PPP1R12B: variants seen among roughly 807,000 people sequenced by gnomAD.
PPP1R12B encodes the protein protein phosphatase 1 regulatory subunit 12B, also known as myosin phosphatase target subunit 2.
A neutral mutation model predicts 126.1 loss-of-function variants in PPP1R12B; 76 were observed. The observed-to-expected ratio is 0.60, with a 90% confidence interval of 0.50 to 0.73. PPP1R12B has a LOEUF of 0.73. Among genes scored for constraint, PPP1R12B ranks in the 30% least tolerant of loss-of-function variants. The pLI, the probability that PPP1R12B is intolerant of heterozygous loss-of-function variation, is 0.00. For synonymous variants in PPP1R12B, 356 were observed against 434.7 expected (o/e 0.82, Z 2.25); for missense variants, 1,052 against 1,205.1 (o/e 0.87, Z 1.88).
chr1:202,490,123 T>G (rs1572251093), intron 14 of PPP1R12B, among the ~76,000 whole-genome samples: 1 of 152,048 alleles, frequency 6.6e-6, no homozygotes, highest in East Asian at 1.9e-4. Flanking sequence ...AATTTGTTAT[T>G]GAAAGAAGCA....
At chr1:202,476,016 A>G (rs1475015570) in intron 13 of PPP1R12B, among the ~76,000 whole-genome samples, 1 of 152,112 alleles carries the variant, frequency 6.6e-6, no homozygotes, top group Admixed American at 6.6e-5. Flanking sequence ...TCTCGCCAAC[A>G]TGGTGAAACT....
intron 13 of PPP1R12B, among the ~76,000 whole-genome samples, chr1:202,475,998 G>A (rs1190071770): frequency 6.6e-6 from 1 of 152,034 alleles, no homozygotes; most frequent in South Asian, 2.1e-4. Context: ...TTAGGAGTTC[G>A]AGACCAGTCT....
intron 1 of PPP1R12B, among the ~76,000 whole-genome samples, chr1:202,384,950 A>G (rs1192708504): frequency 6.6e-6 from 1 of 152,242 alleles, no homozygotes; most frequent in East Asian, 1.9e-4. Context: ...TGCTGTTGTC[A>G]TATTTTTATA....
At chr1:202,438,383 T>C in intron 10 of PPP1R12B, 6 of 697,554 alleles carry the variant, frequency 8.6e-6, no homozygotes, top group African/African-American at 1.8e-5. Context: ...CCAATTCCCG[T>C]CCCCCCAGCG....
chr1:202,475,647 G>C (rs1157094342), intron 13 of PPP1R12B, among the ~76,000 whole-genome samples: 7 of 152,114 alleles, frequency 4.6e-5, no homozygotes, highest in Non-Finnish European at 1.0e-4. Context: ...GGGTGTTTTA[G>C]CATCTCCTTA....
intron 18 of PPP1R12B, among the ~76,000 whole-genome samples, chr1:202,512,745 G>C (rs1681672521): frequency 6.6e-6 from 1 of 152,036 alleles, no homozygotes; most frequent in African/African-American, 2.4e-5. Flanking sequence ...TTCATACATG[G>C]TATTTTCATT....
chr1:202,501,711 G>T lies in PPP1R12B; in HGVS notation c.2490+4889G>T, dbSNP rs143616259. 428 of 240,294 alleles carry T rather than the reference G, an allele frequency of 1.8e-3. 2 individuals carry two copies. Among genetic ancestry groups the T allele is most frequent in the African/African-American group, 9.5e-3 (408 of 43,044 alleles). The allele number at this position is 240,294 out of a possible 1,614,324, so 14.9% of individuals were successfully genotyped here. On this transcript the variant is annotated intron_variant, in intron 18 of 23. Transcript: ENST00000608999. Reference sequence around the variant, plus strand: ...GAAGACTGAGGCTCAGAGAAATTAAGAATTATTTGGGCATGACATCTCTGC... The same window carrying T: ...GAAGACTGAGGCTCAGAGAAATTAATAATTATTTGGGCATGACATCTCTGC...
intron 18 of PPP1R12B, among the ~76,000 whole-genome samples, chr1:202,532,269 C>G (rs537195538): frequency 7.5e-4 from 114 of 152,308 alleles, no homozygotes; most frequent in African/African-American, 2.6e-3. Context: ...TCATTGCCAT[C>G]TTGGTTTTGG....
intron 13 of PPP1R12B, among the ~76,000 whole-genome samples, 156 bp from the exon 14 acceptor site, chr1:202,488,377 T>C (rs1057160365): frequency 6.6e-6 from 1 of 152,250 alleles, no homozygotes; most frequent in African/African-American, 2.4e-5. Flanking sequence ...GATTCTGTAA[T>C]GTTTGCTGAT....
chr1:202,571,111 T>A (rs553902537), intron 23 of PPP1R12B, among the ~76,000 whole-genome samples: 28 of 152,294 alleles, frequency 1.8e-4, no homozygotes, highest in African/African-American at 5.8e-4. Flanking sequence ...AGTGGTCAAA[T>A]TAGAGAAATT....
rs1690082989 is a variant in PPP1R12B at position 202,590,851 on chromosome 1, T to G, written c.*10291T>G. 1 of 151,650 alleles carries G rather than the reference T, an allele frequency of 6.6e-6. No homozygotes were observed. 9.4% of individuals were successfully genotyped at this position (151,650 alleles called of 1,614,324 possible). On this transcript the variant is annotated 3_prime_UTR_variant, in exon 24 of 24. Transcript: ENST00000608999. ...GATTTTGAAGTTTTCAGCCCCAGGGTTTTCAGAAAGCAGCAAATCAAGTCC... is the reference window on the plus strand; with the variant it reads ...GATTTTGAAGTTTTCAGCCCCAGGGGTTTCAGAAAGCAGCAAATCAAGTCC...
intron 18 of PPP1R12B, among the ~76,000 whole-genome samples, chr1:202,549,094 G>T (rs1378067390): frequency 1.3e-5 from 2 of 152,050 alleles, no homozygotes; most frequent in African/African-American, 4.8e-5. Flanking sequence ...CCTATTGGGG[G>T]TATGAAAGTG....
chr1:202,350,483 C>G (rs1483918150), intron 1 of PPP1R12B, among the ~76,000 whole-genome samples: 2 of 152,130 alleles, frequency 1.3e-5, no homozygotes, highest in Non-Finnish European at 2.9e-5. Context: ...ATTTTTCAGA[C>G]TTATGTCACA....
rs1689711717 is a variant in PPP1R12B at position 202,584,581 on chromosome 1, C to A, written c.*4021C>A. 1 of 152,244 alleles carries A rather than the reference C, an allele frequency of 6.6e-6. No homozygotes were observed. Among genetic ancestry groups the A allele is most frequent in the African/African-American group, 2.4e-5 (1 of 41,470 alleles). The allele number at this position is 152,244 out of a possible 1,614,324, so 9.4% of individuals were successfully genotyped here. A position where few individuals can be genotyped will look rare whatever the true frequency, so the allele number is the denominator to read the frequency against. On this transcript the variant is annotated 3_prime_UTR_variant, in exon 24 of 24. Coordinates refer to ENST00000608999, the MANE Select transcript of PPP1R12B (RefSeq NM_002481.4). Reference sequence around the variant, plus strand: ...GTTTGCAGCCTCTCCTAGCCACAGACAGACACTGTCTCCTCTCAGAGAAAG... The same window carrying A: ...GTTTGCAGCCTCTCCTAGCCACAGAAAGACACTGTCTCCTCTCAGAGAAAG...
At chr1:202,366,622 A>G (rs998414069) in intron 1 of PPP1R12B, among the ~76,000 whole-genome samples, 1 of 152,106 alleles carries the variant, frequency 6.6e-6, no homozygotes, top group African/African-American at 2.4e-5. Flanking sequence ...AAAATGTATG[A>G]ATATTAAATA....
chr1:202,570,595 C>T (rs1012842248), intron 23 of PPP1R12B, among the ~76,000 whole-genome samples: 1 of 152,166 alleles, frequency 6.6e-6, no homozygotes, highest in Non-Finnish European at 1.5e-5. Flanking sequence ...GCCCTAGCAC[C>T]TAAACTTCTG....
At chr1:202,441,569 A>G (rs962734865) in intron 11 of PPP1R12B, among the ~76,000 whole-genome samples, 3 of 152,216 alleles carry the variant, frequency 2.0e-5, no homozygotes, top group South Asian at 2.1e-4. Context: ...AATACACATT[A>G]AAGTTTGAGA....
chr1:202,483,725 A>G (rs1039054676), intron 13 of PPP1R12B, among the ~76,000 whole-genome samples: 6 of 152,232 alleles, frequency 3.9e-5, no homozygotes, highest in Non-Finnish European at 8.8e-5. Flanking sequence ...TTTAACACCT[A>G]CTGTTATAGT....
chr1:202,560,162 TAAGAG>T (rs1033391611), intron 19 of PPP1R12B, among the ~76,000 whole-genome samples: 3 of 152,110 alleles, frequency 2.0e-5, no homozygotes, highest in Non-Finnish European at 4.4e-5. Flanking sequence ...TTACAATTTG[TAAGAG>T]AAAAGTGTTT....
Sources: allele counts gnomAD v4.1 joint callset (sites outside exome capture counted in the v4.1 genomes callset), GRCh38; gene constraint gnomAD v4.1.1; transcripts MANE v1.5; gene names NCBI Gene and HGNC (gene_info 2026-07-23, HGNC 2026-07-21).